WDPCP: variants seen among roughly 807,000 people sequenced by gnomAD.
WDPCP encodes the protein WD repeat containing planar cell polarity effector.
Under a neutral mutation model 93.1 loss-of-function variants are expected in WDPCP, and 71 were observed. That is an observed-to-expected ratio of 0.76 (90% CI 0.63 to 0.93). The LOEUF is 0.93. WDPCP is among the 40% of genes least tolerant of loss of function. The pLI is 0.00. For synonymous variants in WDPCP, 315 were observed against 315.0 expected, an observed-to-expected ratio of 1.00 and a Z score of 0.00; for missense variants, 844 against 887.4, an observed-to-expected ratio of 0.95 and a Z score of 0.62.
intron 2 of WDPCP, among the ~76,000 whole-genome samples, chr2:63,652,506 T>G (rs1710120201): frequency 6.6e-6 from 1 of 152,330 alleles, no homozygotes; most frequent in Non-Finnish European, 1.5e-5. Context: ...AGTAGGCAAC[T>G]GTGTGGAAGG....
chr2:63,406,082 G>A (rs1254436329), intron 9 of WDPCP, among the ~76,000 whole-genome samples: 1 of 151,970 alleles, frequency 6.6e-6, no homozygotes, highest in Non-Finnish European at 1.5e-5. Flanking sequence ...ACTATTTCAA[G>A]ATTAAAAGTC....
intron 12 of WDPCP, among the ~76,000 whole-genome samples, chr2:63,313,725 G>A (rs1686364748): frequency 6.6e-6 from 1 of 151,752 alleles, no homozygotes; most frequent in East Asian, 1.9e-4. Flanking sequence ...TATATATTCA[G>A]TGGAGATGGG....
chr2:63,500,698 C>G (rs958751454), intron 1 of WDPCP, among the ~76,000 whole-genome samples: 3 of 152,118 alleles, frequency 2.0e-5, no homozygotes, highest in African/African-American at 7.2e-5. Context: ...TAACCTCTGC[C>G]TCAATTTCCC....
intron 13 of WDPCP, among the ~76,000 whole-genome samples, chr2:63,281,879 C>T (rs934886816): frequency 6.6e-6 from 1 of 151,978 alleles, no homozygotes; most frequent in African/African-American, 2.4e-5. Flanking sequence ...ATAATGGACA[C>T]TACTTGGGTG....
intron 12 of WDPCP, among the ~76,000 whole-genome samples, chr2:63,327,685 C>T (rs532240788): frequency 1.4e-4 from 22 of 152,282 alleles, no homozygotes; most frequent in South Asian, 8.3e-4. Context: ...CTTTCAAACT[C>T]GTAAACCAAC....
At chr2:63,550,766 T>C (rs1324565302) in intron 1 of WDPCP, among the ~76,000 whole-genome samples, 1 of 129,566 alleles carries the variant, frequency 7.7e-6, no homozygotes, top group Non-Finnish European at 1.6e-5. Flanking sequence ...TATACACATA[T>C]ATATGTGCAT....
intron 14 of WDPCP, among the ~76,000 whole-genome samples, chr2:63,222,976 T>G (rs1474446948): frequency 6.6e-6 from 1 of 152,062 alleles, no homozygotes; most frequent in Non-Finnish European, 1.5e-5. Context: ...AATACCTGAT[T>G]GATATAAAAC....
At chr2:63,168,906 A>T (rs1673188494) in intron 15 of WDPCP, 1 of 152,172 alleles carries the variant, frequency 6.6e-6, no homozygotes, top group Non-Finnish European at 1.5e-5. Context: ...TCTAGTGGTT[A>T]CCTTTGTACT....
At chr2:63,747,214 T>C (rs1408398265) in intron 2 of WDPCP, among the ~76,000 whole-genome samples, 8 of 152,206 alleles carry the variant, frequency 5.3e-5, no homozygotes, top group African/African-American at 7.2e-5. Context: ...TACAAATATT[T>C]TCTACTAATT....
chr2:63,547,476 C>T (rs1381533420), intron 1 of WDPCP, among the ~76,000 whole-genome samples: 1 of 151,862 alleles, frequency 6.6e-6, no homozygotes, highest in African/African-American at 2.4e-5. Flanking sequence ...TTATTGCAGC[C>T]CTATACAAAA....
chr2:63,409,518 G>T (rs762478394), intron 9 of WDPCP, among the ~76,000 whole-genome samples: 1 of 152,098 alleles, frequency 6.6e-6, no homozygotes, highest in Non-Finnish European at 1.5e-5. Context: ...GATCACACTA[G>T]GTCGCCAGCA....
chr2:63,409,227 T>C (rs1299731806), intron 9 of WDPCP, among the ~76,000 whole-genome samples: 4 of 152,188 alleles, frequency 2.6e-5, no homozygotes, highest in Non-Finnish European at 4.4e-5. Flanking sequence ...CACAGGACTC[T>C]GTGCAGACAA....
At position 63,684,449 on chromosome 2, in the gene WDPCP, T is replaced by G; in HGVS notation, n.309-33611A>C. On this transcript the variant is annotated intron_variant and non_coding_transcript_variant, in intron 2 of 4. Coordinates refer to the WDPCP transcript ENST00000467687. ...ACCTCTGGTGGCTGGAATTGACTGC[T>G]ACCCCCGCAAAGTGATAGCTGTCAT... is the stretch of plus-strand genomic sequence containing the variant. 3.6e-6 allele frequency: 3 copies of G among 839,780 alleles called. No homozygotes were observed. In the South Asian group the frequency reaches 4.0e-5, roughly 11 times the overall value. The allele number at this position is 839,780 out of a possible 1,614,324, so 52.0% of individuals were successfully genotyped here. A position where few individuals can be genotyped will look rare whatever the true frequency, so the allele number is the denominator to read the frequency against.
intron 13 of WDPCP, among the ~76,000 whole-genome samples, chr2:63,268,489 C>T (rs1682349826): frequency 6.6e-6 from 1 of 151,986 alleles, no homozygotes. Flanking sequence ...TTTTGTAAAA[C>T]AGGATCTCAC....
chr2:63,820,923 A>C (rs1474996329), intron 1 of WDPCP, among the ~76,000 whole-genome samples: 1 of 152,130 alleles, frequency 6.6e-6, no homozygotes, highest in Non-Finnish European at 1.5e-5. Flanking sequence ...CTTATTTCTA[A>C]AACTTTAGCA....
In WDPCP at chr2:63,762,025, C is replaced by A. The variant is rs149827076; in HGVS notation, n.308+51597G>T. 1.7e-4 allele frequency among the ~76,000 whole-genome samples: 26 copies of A among 152,280 alleles called. No homozygotes were observed. In the East Asian group the frequency reaches 5.0e-3, roughly 29 times the overall value. ...ATAGAGATATTAGTAAAAGTCTTAG[C>A]GTGGTTCTTCAAGACCATTGCAAGA... On this transcript the variant is annotated intron_variant and non_coding_transcript_variant, in intron 2 of 4. Transcript: ENST00000467687.
intron 2 of WDPCP, among the ~76,000 whole-genome samples, chr2:63,802,774 C>T (rs1230534880): frequency 1.3e-5 from 2 of 151,918 alleles, no homozygotes; most frequent in Admixed American, 6.6e-5. Flanking sequence ...ATGTTTCTTC[C>T]AGCTAAAAGA....
At chr2:63,249,754 C>G (rs558614484) in intron 14 of WDPCP, among the ~76,000 whole-genome samples, 82 of 152,264 alleles carry the variant, frequency 5.4e-4, no homozygotes, top group Middle Eastern at 3.4e-3. Context: ...CTTCCTTTAT[C>G]CATGGGGTAT....
At chr2:63,422,062 A>G (rs1268974966) in intron 9 of WDPCP, among the ~76,000 whole-genome samples, 1 of 152,246 alleles carries the variant, frequency 6.6e-6, no homozygotes, top group Non-Finnish European at 1.5e-5. Flanking sequence ...AAACCTAGAA[A>G]CAATAATCAA....
Sources: gnomAD v4.1 joint callset for allele counts (sites outside exome capture counted in the v4.1 genomes callset) on GRCh38, gnomAD v4.1.1 for gene constraint, MANE v1.5 for transcripts, NCBI Gene and HGNC (gene_info 2026-07-23, HGNC 2026-07-21) for gene names.